Variants in LRMDA observed in about 807,000 individuals in gnomAD.
LRMDA encodes the protein leucine-rich melanocyte differentiation-associated protein.
LRMDA carries 18 observed loss-of-function variants against 29.8 expected under a neutral mutation model. The observed-to-expected ratio is 0.60, with a 90% confidence interval of 0.42 to 0.90. LRMDA has a LOEUF of 0.90. Among genes scored for constraint, LRMDA ranks in the 40% least tolerant of loss-of-function variants. The pLI is 0.00. For missense variants in LRMDA, 273 were observed against 273.9 expected (o/e 1.00, Z 0.02); for synonymous variants, 125 against 109.4 (o/e 1.14, Z -0.89).
chr10:75,997,524 T>C (rs1847491152), intron 2 of LRMDA, among the ~76,000 whole-genome samples: 1 of 152,146 alleles, frequency 6.6e-6, no homozygotes, highest in East Asian at 1.9e-4. Context: ...GACAAACTCT[T>C]AGAGATGGAA....
chr10:75,600,282 C>A (rs964385394), intron 2 of LRMDA, among the ~76,000 whole-genome samples: 2 of 152,128 alleles, frequency 1.3e-5, no homozygotes, highest in African/African-American at 4.8e-5. Flanking sequence ...AGGGCATGCC[C>A]AAATCTGAAA....
intron 6 of LRMDA, among the ~76,000 whole-genome samples, chr10:76,355,392 A>T (rs1841227099): frequency 6.6e-6 from 1 of 152,192 alleles, no homozygotes; most frequent in Non-Finnish European, 1.5e-5. Flanking sequence ...CCAAGAAATT[A>T]TGGAGCCCTT....
At chr10:76,385,317 A>C (rs1841646421) in intron 6 of LRMDA, among the ~76,000 whole-genome samples, 1 of 152,120 alleles carries the variant, frequency 6.6e-6, no homozygotes, top group Admixed American at 6.6e-5. Flanking sequence ...GGTGCTTCCT[A>C]AACAGTCTAA....
At chr10:75,967,259 T>C (rs1846878406) in intron 2 of LRMDA, among the ~76,000 whole-genome samples, 3 of 152,236 alleles carry the variant, frequency 2.0e-5, no homozygotes, top group Admixed American at 1.3e-4. Context: ...TAAATTACTG[T>C]ATTCTTTAAT....
chr10:75,672,518 TTCTTTTCCTCCCCTCCCCTC>T (rs1841904144), intron 2 of LRMDA, among the ~76,000 whole-genome samples: 1 of 37,608 alleles, frequency 2.7e-5, no homozygotes, highest in East Asian at 1.1e-3. Flanking sequence ...TATTTTTCTT[TTCTTTTCCTCCCCTCCCCTC>T]CCCTCCCCTC....
At chr10:76,255,912 A>G (rs931403439) in intron 5 of LRMDA, among the ~76,000 whole-genome samples, 3 of 152,244 alleles carry the variant, frequency 2.0e-5, no homozygotes, top group African/African-American at 7.2e-5. Flanking sequence ...GCAGATGAAT[A>G]ACATATGTAG....
chr10:75,907,867 T>C (rs1471154392), intron 2 of LRMDA, among the ~76,000 whole-genome samples: 1 of 151,752 alleles, frequency 6.6e-6, no homozygotes. Flanking sequence ...TTCATAGGAG[T>C]AGATGTTGAG....
intron 2 of LRMDA, among the ~76,000 whole-genome samples, chr10:75,978,519 A>G (rs904833150): frequency 6.6e-6 from 1 of 152,198 alleles, no homozygotes; most frequent in Non-Finnish European, 1.5e-5. Context: ...AGCTAGCTGA[A>G]AGGAAAATGG....
At chr10:76,410,087 G>A (rs886866448) in intron 6 of LRMDA, among the ~76,000 whole-genome samples, 3 of 152,058 alleles carry the variant, frequency 2.0e-5, no homozygotes, top group African/African-American at 7.3e-5. Flanking sequence ...TGTATAATGG[G>A]CCAGAGGGCA....
intron 5 of LRMDA, among the ~76,000 whole-genome samples, chr10:76,179,476 T>G (rs10509365): frequency 0.13 from 20,498 of 152,062 alleles, 2,225 homozygotes; most frequent in African/African-American, 0.3. Flanking sequence ...AGACGATAGT[T>G]TAAGGCAAGG....
At chr10:76,555,951 G>A (rs141636590) in intron 6 of LRMDA, among the ~76,000 whole-genome samples, 9 of 152,152 alleles carry the variant, frequency 5.9e-5, no homozygotes, top group South Asian at 2.1e-4. Flanking sequence ...ACTCAAGTCC[G>A]ATTAGCGCTA....
intron 2 of LRMDA, among the ~76,000 whole-genome samples, chr10:75,484,106 C>T (rs987575377): frequency 6.6e-6 from 1 of 152,042 alleles, no homozygotes; most frequent in African/African-American, 2.4e-5. Flanking sequence ...CAGGCATGGG[C>T]CACCACACCT....
intron 6 of LRMDA, among the ~76,000 whole-genome samples, chr10:76,362,375 C>G (rs1368689779): frequency 6.6e-6 from 1 of 152,142 alleles, no homozygotes; most frequent in African/African-American, 2.4e-5. Flanking sequence ...CTTGATCACT[C>G]TGAATCTCAG....
intron 2 of LRMDA, among the ~76,000 whole-genome samples, chr10:75,792,081 C>T (rs761266325): frequency 9.9e-5 from 15 of 151,486 alleles, no homozygotes; most frequent in Non-Finnish European, 2.1e-4. Flanking sequence ...GGATGGTCTC[C>T]ATCTCCTGAC....
chr10:75,629,032 A>C (rs1841291016), intron 2 of LRMDA, among the ~76,000 whole-genome samples: 1 of 152,202 alleles, frequency 6.6e-6, no homozygotes, highest in African/African-American at 2.4e-5. Flanking sequence ...CCAGATGTGA[A>C]AAGCACGTAC....
At chr10:75,795,299 C>T (rs1013827112) in intron 2 of LRMDA, among the ~76,000 whole-genome samples, 2 of 152,034 alleles carry the variant, frequency 1.3e-5, no homozygotes, top group Non-Finnish European at 2.9e-5. Flanking sequence ...AAGGCTGAGG[C>T]AGAAGAATTG....
intron 2 of LRMDA, among the ~76,000 whole-genome samples, chr10:75,767,954 T>TA (rs1166079476): frequency 2.6e-5 from 4 of 152,090 alleles, no homozygotes; most frequent in Non-Finnish European, 5.9e-5. Flanking sequence ...GGGGCTGGCC[T>TA]TGGAGACTGT....
intron 2 of LRMDA, among the ~76,000 whole-genome samples, chr10:75,627,356 CT>C (rs1361897147): frequency 3.3e-5 from 5 of 152,184 alleles, no homozygotes; most frequent in Admixed American, 3.3e-4. Context: ...ACTGTCTCCC[CT>C]ATAACAGTTT....
At chr10:75,472,438 C>T (rs59547218) in intron 2 of LRMDA, among the ~76,000 whole-genome samples, 5,859 of 152,234 alleles carry the variant, frequency 0.038, 352 homozygotes, top group African/African-American at 0.13. Flanking sequence ...AAGTTGTTTG[C>T]TCAAAGTTAC....
Sources: gnomAD v4.1 joint callset for allele counts (sites outside exome capture counted in the v4.1 genomes callset) on GRCh38, gnomAD v4.1.1 for gene constraint, MANE v1.5 for transcripts, NCBI Gene and HGNC (gene_info 2026-07-23, HGNC 2026-07-21) for gene names.